The following LGSN variants were observed in gnomAD, a reference collection of about 807,000 sequenced individuals.
LGSN encodes the protein lengsin.
Under a neutral mutation model 19.5 loss-of-function variants are expected in LGSN, and 21 were observed. That is an observed-to-expected ratio of 1.07 (90% CI 0.76 to 1.55). The LOEUF is 1.55. LGSN is among the 40% of genes most tolerant of loss of function. LGSN has a pLI of 0.00. For missense variants in LGSN, 673 were observed against 608.5 expected (o/e 1.11, Z -1.12); for synonymous variants, 257 against 215.6 (o/e 1.19, Z -1.68).
chr6:63,418,069 T>C, the LGSN span, among the ~76,000 whole-genome samples: 17,570 of 152,198 alleles, frequency 0.12, 2,026 homozygotes, highest in African/African-American at 0.3. Context: ...CTTTAAGAAA[T>C]AATACTGGAG....
chr6:63,549,650 T>C, the LGSN span: 3 of 484,366 alleles, frequency 6.2e-6, no homozygotes, highest in Non-Finnish European at 1.1e-5. Flanking sequence ...ATCCTGTCAT[T>C]GGCAGTAACA....
the LGSN span, among the ~76,000 whole-genome samples, chr6:63,546,048 G>A: frequency 4.0e-5 from 6 of 150,350 alleles, no homozygotes; most frequent in African/African-American, 1.5e-4. Context: ...TATGAAATCA[G>A]TATGTTGAAG....
chr6:63,415,262 G>A, the LGSN span, among the ~76,000 whole-genome samples: 3 of 152,144 alleles, frequency 2.0e-5, no homozygotes, highest in East Asian at 1.9e-4. Flanking sequence ...CGGAGTTTGC[G>A]GTGAGCTGAG....
At chr6:63,482,319 G>C in the LGSN span, among the ~76,000 whole-genome samples, 1 of 152,112 alleles carries the variant, frequency 6.6e-6, no homozygotes, top group African/African-American at 2.4e-5. Context: ...AATATTTATT[G>C]AATAAGTAAA....
the LGSN span, among the ~76,000 whole-genome samples, chr6:63,445,987 G>A: frequency 9.2e-5 from 14 of 152,194 alleles, no homozygotes; most frequent in South Asian, 1.0e-3. Flanking sequence ...CGTGGCTCAC[G>A]CCTGTAATCC....
At position 63,288,553 on chromosome 6, in the gene LGSN, T is replaced by A. The variant is rs192610314; in HGVS notation, c.164-2800A>T. On this transcript the variant is annotated intron_variant, in intron 2 of 3. Transcript: ENST00000370657. ...CTCTAACCCTTGATTAATTTTGAAG[T>A]CTCCAAGTTGCCCTGTGACTGGACA... Among the ~76,000 whole-genome samples the A allele has an allele frequency of 4.6e-3, 695 of 152,154 alleles. 6 individuals carry two copies. The highest frequency in any genetic ancestry group is 0.017 in the South Asian group (80 of 4,820).
chr6:63,550,068 T>C, the LGSN span, among the ~76,000 whole-genome samples: 1 of 152,216 alleles, frequency 6.6e-6, no homozygotes, highest in Non-Finnish European at 1.5e-5. Flanking sequence ...ATGTACTCCA[T>C]AATATGTGCA....
At chr6:63,310,595 T>C (rs1396598982) in intron 1 of LGSN, among the ~76,000 whole-genome samples, 1 of 152,166 alleles carries the variant, frequency 6.6e-6, no homozygotes, top group African/African-American at 2.4e-5. Flanking sequence ...ATAAGCTCTA[T>C]CAAGGTTAAT....
chr6:63,323,527 C>T (rs1383962957), upstream of LGSN, among the ~76,000 whole-genome samples: 1 of 141,886 alleles, frequency 7.0e-6, no homozygotes, highest in Non-Finnish European at 1.5e-5. Flanking sequence ...GTGATAATAT[C>T]TACAAATTCT....
At chr6:63,446,243 CA>C in the LGSN span, among the ~76,000 whole-genome samples, 50 of 74,732 alleles carry the variant, frequency 6.7e-4, no homozygotes, top group Middle Eastern at 7.7e-3. Flanking sequence ...GACTGTGTCT[CA>C]AAAAAAAAAA....
chr6:63,394,610 C>T, the LGSN span, among the ~76,000 whole-genome samples: 16 of 152,254 alleles, frequency 1.1e-4, no homozygotes, highest in African/African-American at 3.9e-4. Flanking sequence ...CTAGGGGCTG[C>T]TCTGCCTTTG....
At chr6:63,463,238 G>A in the LGSN span, among the ~76,000 whole-genome samples, 1 of 152,176 alleles carries the variant, frequency 6.6e-6, no homozygotes, top group Admixed American at 6.5e-5. Context: ...GTGAATATAT[G>A]TTAAGCATCT....
At chr6:63,318,419 C>G (rs1768949590) in intron 1 of LGSN, among the ~76,000 whole-genome samples, 1 of 152,148 alleles carries the variant, frequency 6.6e-6, no homozygotes, top group African/African-American at 2.4e-5. Flanking sequence ...TGTCATCTCT[C>G]TCCCTCCTTC....
At chr6:63,491,221 C>A in the LGSN span, among the ~76,000 whole-genome samples, 2 of 152,188 alleles carry the variant, frequency 1.3e-5, no homozygotes, top group Non-Finnish European at 1.5e-5. Flanking sequence ...GTCACCAAGA[C>A]CCCAGATCTT....
At chr6:63,415,417 A>G in the LGSN span, among the ~76,000 whole-genome samples, 9 of 152,340 alleles carry the variant, frequency 5.9e-5, no homozygotes, top group African/African-American at 2.2e-4. Flanking sequence ...GAGAGGCCTT[A>G]GGAAACTTAC....
the LGSN span, among the ~76,000 whole-genome samples, chr6:63,413,223 A>C: frequency 2.0e-5 from 3 of 152,276 alleles, no homozygotes; most frequent in Admixed American, 1.3e-4. Flanking sequence ...ATCTATTATT[A>C]TTTGACATGT....
chr6:63,314,110 G>A (rs926943056), intron 1 of LGSN, among the ~76,000 whole-genome samples: 5 of 152,038 alleles, frequency 3.3e-5, no homozygotes, highest in Non-Finnish European at 7.4e-5. Flanking sequence ...AGTTAAGAAC[G>A]GCATGTTTGT....
At chr6:63,490,388 C>A in the LGSN span, among the ~76,000 whole-genome samples, 3 of 151,988 alleles carry the variant, frequency 2.0e-5, no homozygotes, top group Non-Finnish European at 4.4e-5. Context: ...ATGATGCCAA[C>A]CTTATGATGA....
chr6:63,564,289 A>G, the LGSN span, among the ~76,000 whole-genome samples: 2,078 of 151,882 alleles, frequency 0.014, 16 homozygotes, highest in Non-Finnish European at 0.02. Flanking sequence ...AAAAAAAAAA[A>G]AGAGAGAAAT....
Sources: gnomAD v4.1 joint callset for allele counts (sites outside exome capture counted in the v4.1 genomes callset) on GRCh38, gnomAD v4.1.1 for gene constraint, MANE v1.5 for transcripts, NCBI Gene and HGNC (gene_info 2026-07-23, HGNC 2026-07-21) for gene names.